Variants in KCNQ1 observed in about 807,000 individuals in gnomAD.
The protein encoded by KCNQ1 is potassium voltage-gated channel subfamily Q member 1.
A neutral mutation model predicts 72.4 loss-of-function variants in KCNQ1; 49 were observed. The ratio of observed to expected loss-of-function variants is 0.68; its 90% confidence interval spans 0.54 to 0.86. KCNQ1 has a LOEUF of 0.86. Among genes scored for constraint, KCNQ1 ranks in the 40% least tolerant of loss-of-function variants. KCNQ1 has a pLI of 0.00. For missense variants in KCNQ1, 790 were observed against 945.1 expected (o/e 0.84, Z 2.15); for synonymous variants, 450 against 412.6 (o/e 1.09, Z -1.10).
chr11:2,696,657 G>A (rs1412761590), intron 11 of KCNQ1: 11 of 398,510 alleles, frequency 2.8e-5, no homozygotes, highest in South Asian at 2.5e-4. Context: ...AAATCCTGAC[G>A]TCATTCTAAT....
At chr11:2,838,781 G>A (rs1349314293) in intron 15 of KCNQ1, among the ~76,000 whole-genome samples, 7 of 152,126 alleles carry the variant, frequency 4.6e-5, no homozygotes, top group South Asian at 2.1e-4. Flanking sequence ...CAGAGCGCTC[G>A]CTGGCTGCCC....
In KCNQ1 at chr11:2,498,587, G is replaced by C. The variant is rs1403694990; in HGVS notation, c.387-29341G>C. ...CTTCAGACTGCTGTGCTGGCAGTGAGAATTTGAAGCCAGTGGTTCTTAGCT... is the reference window on the plus strand; with the variant it reads ...CTTCAGACTGCTGTGCTGGCAGTGACAATTTGAAGCCAGTGGTTCTTAGCT... On this transcript the variant is annotated intron_variant, in intron 1 of 15. Transcript: ENST00000155840. This position sits in a 1 kb window ranked among gnomAD's most constrained non-coding sequence, Gnocchi z 4.8. Among the ~76,000 whole-genome samples the C allele has an allele frequency of 3.3e-5, 5 of 152,244 alleles. No homozygotes were observed. The East Asian group carries it at 9.6e-4, about 29-fold the overall frequency.
intron 1 of KCNQ1, among the ~76,000 whole-genome samples, chr11:2,524,708 C>T (rs988414827): frequency 6.6e-6 from 1 of 152,212 alleles, no homozygotes; most frequent in Admixed American, 6.5e-5. Flanking sequence ...GTGAAGTCGA[C>T]GCTCGCTGCT....
rs1268356644 is a variant in KCNQ1 at position 2,451,941 on chromosome 11, A to G, written c.386+6457A>G. Among the ~76,000 whole-genome samples, 1 of 152,180 alleles carries G rather than the reference A, an allele frequency of 6.6e-6. No individual in the cohort carries two copies. Among genetic ancestry groups the G allele is most frequent in the Non-Finnish European group, 1.5e-5 (1 of 68,020 alleles). On this transcript the variant is annotated intron_variant, in intron 1 of 15. Transcript: ENST00000155840. The surrounding 1 kb of genome is among the most constrained non-coding windows in gnomAD (Gnocchi z 6.4). ...GAGGTGGTGCACTATTCCTGGCCTCAGGCCCAGTTTGTATCCATGGGCACC... is the reference window on the plus strand; with the variant it reads ...GAGGTGGTGCACTATTCCTGGCCTCGGGCCCAGTTTGTATCCATGGGCACC...
At position 2,507,103 on chromosome 11, in the gene KCNQ1, G is replaced by A. The variant is rs1458602409; in HGVS notation, c.387-20825G>A. Among the ~76,000 whole-genome samples, 1 of 152,092 alleles carries A rather than the reference G, an allele frequency of 6.6e-6. No individual in the cohort carries two copies. The highest frequency in any genetic ancestry group is 6.6e-5 in the Admixed American group (1 of 15,260). On this transcript the variant is annotated intron_variant, in intron 1 of 15. Transcript: ENST00000155840. This position sits in a 1 kb window ranked among gnomAD's most constrained non-coding sequence, Gnocchi z 5.4. Reference sequence around the variant, plus strand: ...TTCTTTCTACTGACTCCGGATTCAGGGCCACAGTTGAGAGCTTTTTCCTCC... The same window carrying A: ...TTCTTTCTACTGACTCCGGATTCAGAGCCACAGTTGAGAGCTTTTTCCTCC...
In KCNQ1 at chr11:2,447,783, CCA is replaced by C. The variant is rs1297116605; in HGVS notation, c.386+2300_386+2301del. On this transcript the variant is annotated intron_variant, in intron 1 of 15. Transcript: ENST00000155840. This position sits in a 1 kb window ranked among gnomAD's most constrained non-coding sequence, Gnocchi z 7.6. ...AGACGACAAGCCTGGCCTTGAAGAG[CCA>C]GGGCCCAGGCATGTGTGCAGGGGGG... Among the ~76,000 whole-genome samples the C allele has an allele frequency of 6.6e-6, 1 of 152,306 alleles. No individual in the cohort carries two copies. Among genetic ancestry groups the C allele is most frequent in the East Asian group, 1.9e-4 (1 of 5,176 alleles).
chr11:2,663,622 T>A lies in KCNQ1; in HGVS notation c.1514+1541T>A, dbSNP rs1477991188. 2.5e-6 allele frequency: 1 copy of A among 398,558 alleles called. No individual in the cohort carries two copies. Among genetic ancestry groups the A allele is most frequent in the Non-Finnish European group, 4.4e-6 (1 of 226,114 alleles). The allele number at this position is 398,558 out of a possible 1,614,324, so 24.7% of individuals were successfully genotyped here. On this transcript the variant is annotated intron_variant, in intron 11 of 15. Coordinates refer to ENST00000155840, the MANE Select transcript of KCNQ1 (RefSeq NM_000218.3). The surrounding 1 kb of genome is among the most constrained non-coding windows in gnomAD (Gnocchi z 5.2). ...TGGTTCTCTTGGTCACGGACCAGCA[T>A]CCAGACATGCAAAAAGTCCTACTGG... is the stretch of plus-strand genomic sequence containing the variant.
intron 11 of KCNQ1, among the ~76,000 whole-genome samples, chr11:2,730,259 T>G (rs953916238): frequency 1.3e-5 from 2 of 152,204 alleles, no homozygotes; most frequent in Non-Finnish European, 2.9e-5. Flanking sequence ...AGGACTGTTT[T>G]GAGAGGGACC....
intron 1 of KCNQ1, among the ~76,000 whole-genome samples, chr11:2,485,905 T>A (rs1425352683): frequency 1.3e-5 from 2 of 152,248 alleles, no homozygotes; most frequent in African/African-American, 4.8e-5. Flanking sequence ...AATATTCCAC[T>A]GTATGGATAG....
chr11:2,542,307 CG>C (rs1847839889), intron 2 of KCNQ1, among the ~76,000 whole-genome samples: 1 of 152,198 alleles, frequency 6.6e-6, no homozygotes, highest in Non-Finnish European at 1.5e-5. Flanking sequence ...CCTCCCCTGG[CG>C]GGGGCGGGGA....
At position 2,641,208 on chromosome 11, in the gene KCNQ1, C is replaced by T. The variant is rs144855882; in HGVS notation, c.1394-20753C>T. ...CAGTAGTGAGATTGCTGGATTATGT[C>T]ATATTTCTCTTTTTAGGTTTTTCAG... On this transcript the variant is annotated intron_variant, in intron 10 of 15. Transcript: ENST00000155840. 1,053 of 398,354 alleles carry T rather than the reference C, an allele frequency of 2.6e-3. 2 individuals carry two copies. Among genetic ancestry groups the T allele is most frequent in the Non-Finnish European group, 4.0e-3 (901 of 225,956 alleles). The allele number at this position is 398,354 out of a possible 1,614,324, so 24.7% of individuals were successfully genotyped here.
At chr11:2,591,735 G>T (rs1327962593) in intron 10 of KCNQ1, among the ~76,000 whole-genome samples, 1 of 152,246 alleles carries the variant, frequency 6.6e-6, no homozygotes, top group Non-Finnish European at 1.5e-5. Context: ...AGAAAGTCAG[G>T]CGCCTTTTGT....
rs1363378865 is a variant in KCNQ1, at chr11:2,715,533, C to T, written c.1515-53311C>T. 2.6e-5 allele frequency among the ~76,000 whole-genome samples: 4 copies of T among 152,062 alleles called. No homozygotes were observed. The highest frequency in any genetic ancestry group is 1.9e-4 in the East Asian group (1 of 5,172). ...CAGCCAGGTAGACTTCGTTTCCAGCCGGAGTGTACCTGGGGATGCCTGTGC... is the reference window on the plus strand; with the variant it reads ...CAGCCAGGTAGACTTCGTTTCCAGCTGGAGTGTACCTGGGGATGCCTGTGC... On this transcript the variant is annotated intron_variant, in intron 11 of 15. Coordinates refer to ENST00000155840, the MANE Select transcript of KCNQ1 (RefSeq NM_000218.3). This position sits in a 1 kb window ranked among gnomAD's most constrained non-coding sequence, Gnocchi z 4.9.
intron 1 of KCNQ1, among the ~76,000 whole-genome samples, chr11:2,460,711 G>T (rs1846265066): frequency 6.6e-6 from 1 of 152,244 alleles, no homozygotes; most frequent in Non-Finnish European, 1.5e-5. Flanking sequence ...GGGCAGTGGG[G>T]CTGGGTGGGA....
chr11:2,577,287 G>T (rs72847692), intron 6 of KCNQ1, among the ~76,000 whole-genome samples: 3,212 of 152,310 alleles, frequency 0.021, 65 homozygotes, highest in Non-Finnish European at 0.028. Context: ...GCTGGCCTGT[G>T]GTGGTTCGCA....
In KCNQ1 at chr11:2,620,051, C is replaced by A. The variant is rs546484400; in HGVS notation, c.1393+31197C>A. The A allele has an allele frequency of 2.5e-6, 1 of 398,162 alleles. No individual in the cohort carries two copies. Among genetic ancestry groups the A allele is most frequent in the East Asian group, 3.6e-5 (1 of 28,034 alleles). 24.7% of individuals were successfully genotyped at this position (398,162 alleles called of 1,614,324 possible). ...CAAGTAGTCCCCAGTGTCTACTGAT[C>A]ATCTTTATGTCCATGTTTACTCAGT... On this transcript the variant is annotated intron_variant, in intron 10 of 15. Transcript: ENST00000155840. This position sits in a 1 kb window ranked among gnomAD's most constrained non-coding sequence, Gnocchi z 4.5.
chr11:2,806,934 C>T (rs1188661879), intron 15 of KCNQ1, among the ~76,000 whole-genome samples: 1 of 152,114 alleles, frequency 6.6e-6, no homozygotes, highest in Non-Finnish European at 1.5e-5. Flanking sequence ...ACAGCACCAG[C>T]GGGGGCATGG....
chr11:2,798,275 G>C (rs749451294), intron 15 of KCNQ1, among the ~76,000 whole-genome samples: 2 of 152,100 alleles, frequency 1.3e-5, no homozygotes, highest in African/African-American at 4.8e-5. Flanking sequence ...GTCACCTTTC[G>C]GCTTGGCATC....
At chr11:2,761,554 C>T (rs1590072922) in intron 11 of KCNQ1, among the ~76,000 whole-genome samples, 1 of 152,186 alleles carries the variant, frequency 6.6e-6, no homozygotes. Flanking sequence ...AGCCAGGGAC[C>T]CGCCCTTCTC....
Sources: allele counts gnomAD v4.1 joint callset (sites outside exome capture counted in the v4.1 genomes callset), GRCh38; gene constraint gnomAD v4.1.1; non-coding constraint Gnocchi (gnomAD v3.1); transcripts MANE v1.5; gene names NCBI Gene and HGNC (gene_info 2026-07-23, HGNC 2026-07-21).